Variants in PTK2 observed in about 807,000 individuals in gnomAD.
The protein encoded by PTK2 is protein tyrosine kinase 2, also known as focal adhesion kinase 1.
Under a neutral mutation model 150.1 loss-of-function variants are expected in PTK2, and 45 were observed. The observed-to-expected ratio is 0.30, with a 90% CI of 0.24 to 0.38. The LOEUF is 0.38. Ranked by LOEUF, PTK2 falls within the 10% of genes least tolerant of loss-of-function variation. The probability of loss-of-function intolerance (pLI) is 1.00; values close to 1 mark genes in which losing one functional copy is unlikely to be tolerated. For missense variants in PTK2, 919 were observed against 1,307.3 expected (o/e 0.70, Z 4.58); for synonymous variants, 432 against 449.2 (o/e 0.96, Z 0.48).
chr8:140,717,267 C>T (rs1329060430), intron 23 of PTK2, among the ~76,000 whole-genome samples: 1 of 152,134 alleles, frequency 6.6e-6, no homozygotes, highest in African/African-American at 2.4e-5. Context: ...GTATTTTAAT[C>T]CAGACTTGAT....
chr8:140,948,664 A>G (rs2100178504), intron 1 of PTK2: 1 of 152,216 alleles, frequency 6.6e-6, no homozygotes, highest in Non-Finnish European at 1.5e-5. Flanking sequence ...AGTTTAACAT[A>G]CAATACAGTC....
In PTK2 at chr8:140,752,345, ACACATG is replaced by A. The variant is rs749145092; in HGVS notation, c.1333-35_1333-30del. On this transcript the variant is annotated intron_variant, in intron 16 of 31. Coordinates refer to ENST00000522684, the Ensembl canonical transcript of PTK2. The stretch of plus-strand genomic sequence containing the variant: ...TGTTAGGGAAATTATAGAATCACAC[ACACATG>A]CAAAAAGGTTTGCTATATTAATTGA... 14 of 1,590,292 alleles carry A rather than the reference ACACATG, an allele frequency of 8.8e-6. No individual in the cohort carries two copies. The Admixed American group carries it at 2.2e-4, about 25-fold the overall frequency.
chr8:140,907,813 C>T (rs1300465156), intron 2 of PTK2, among the ~76,000 whole-genome samples: 3 of 152,142 alleles, frequency 2.0e-5, no homozygotes, highest in Admixed American at 6.5e-5. Flanking sequence ...TTAGTTGATA[C>T]GTGTGTGTCC....
chr8:140,668,492 T>C, intron 29 of PTK2, 68 bp from the exon 34 acceptor site: 1 of 1,510,356 alleles, frequency 6.6e-7, no homozygotes. Context: ...ACAATCAAGC[T>C]AGAGAGGGTC....
At chr8:140,853,850 C>T (rs189359699) in intron 5 of PTK2, among the ~76,000 whole-genome samples, 221 of 152,294 alleles carry the variant, frequency 1.5e-3, no homozygotes, top group African/African-American at 4.4e-3. Flanking sequence ...AATTCCTATA[C>T]TGAGAATGCC....
intron 4 of PTK2, among the ~76,000 whole-genome samples, chr8:140,868,645 A>G (rs1338166297): frequency 1.3e-5 from 2 of 152,228 alleles, no homozygotes; most frequent in East Asian, 3.8e-4. Flanking sequence ...GCAATGAGAA[A>G]GGTATGACAT....
At chr8:140,888,894 T>G (rs2100153253) in intron 3 of PTK2, among the ~76,000 whole-genome samples, 1 of 152,218 alleles carries the variant, frequency 6.6e-6, no homozygotes, top group Non-Finnish European at 1.5e-5. Context: ...GTATCTGAAA[T>G]CTACAAAGAC....
At chr8:140,993,677 A>G (rs974552635) in intron 1 of PTK2, among the ~76,000 whole-genome samples, 2 of 152,232 alleles carry the variant, frequency 1.3e-5, no homozygotes, top group East Asian at 3.8e-4. Flanking sequence ...AGGAATTTTA[A>G]TAAGAATATG....
chr8:140,706,268 G>A, intron 23 of PTK2, 63 bp from the exon 27 acceptor site: 1 of 1,288,518 alleles, frequency 7.8e-7, no homozygotes, highest in Admixed American at 1.8e-5. Context: ...TGTACTTTAT[G>A]AATCGAAAAA....
At chr8:140,698,427 C>G (rs1356880585) in intron 26 of PTK2, among the ~76,000 whole-genome samples, 1 of 152,130 alleles carries the variant, frequency 6.6e-6, no homozygotes, top group East Asian at 1.9e-4. Flanking sequence ...AATTAATTCA[C>G]TCAGATTAGT....
intron 1 of PTK2, among the ~76,000 whole-genome samples, chr8:141,000,429 G>T (rs1301372453): frequency 6.6e-6 from 1 of 152,140 alleles, no homozygotes; most frequent in Non-Finnish European, 1.5e-5. Flanking sequence ...GCGCCCGGGG[G>T]ACGGAGGTCG....
chr8:140,912,342 A>T (rs1407980942), intron 2 of PTK2, among the ~76,000 whole-genome samples: 1 of 152,116 alleles, frequency 6.6e-6, no homozygotes, highest in Non-Finnish European at 1.5e-5. Flanking sequence ...AACATTAAAA[A>T]AAAATTCATA....
At chr8:140,744,061 GCCAC>G (rs1217054986) in intron 19 of PTK2, among the ~76,000 whole-genome samples, 7 of 65,120 alleles carry the variant, frequency 1.1e-4, no homozygotes, top group African/African-American at 4.7e-4. Context: ...ACAGCTATGA[GCCAC>G]CGCGCCCGGC....
At chr8:140,659,377 C>A in exon 32 of PTK2, 1 of 1,204,444 alleles carries the variant, frequency 8.3e-7, no homozygotes, top group Non-Finnish European at 1.2e-6. Context: ...GTGCTGGCGA[C>A]TGAGGACACA....
At chr8:140,730,961 C>CG (rs889727870) in intron 22 of PTK2, among the ~76,000 whole-genome samples, 4 of 142,526 alleles carry the variant, frequency 2.8e-5, no homozygotes, top group Non-Finnish European at 3.1e-5. Flanking sequence ...AAACCCCCCC[C>CG]CCCCTTTTTT....
At chr8:140,830,438 G>A in intron 8 of PTK2, 34 bp downstream of exon 8, 1 of 1,386,254 alleles carries the variant, frequency 7.2e-7, no homozygotes, top group Non-Finnish European at 9.9e-7. Context: ...GCATAATTTT[G>A]TTATTTTATT....
intron 3 of PTK2, among the ~76,000 whole-genome samples, chr8:140,881,810 C>G (rs1360307371): frequency 1.3e-5 from 2 of 152,190 alleles, no homozygotes; most frequent in African/African-American, 4.8e-5. Flanking sequence ...GCAAACCAGT[C>G]TCAAAGAGGC....
intron 31 of PTK2, chr8:140,662,612 T>C: frequency 2.2e-6 from 1 of 459,110 alleles, no homozygotes; most frequent in Non-Finnish European, 4.0e-6. Flanking sequence ...CAAAAACAAG[T>C]TAAAGGGTTT....
chr8:140,708,636 T>C (rs1290606779), intron 23 of PTK2, among the ~76,000 whole-genome samples: 2 of 152,046 alleles, frequency 1.3e-5, no homozygotes, highest in Non-Finnish European at 2.9e-5. Flanking sequence ...AATAACAACA[T>C]GAATTCCCCC....
Sources: gnomAD v4.1 joint callset for allele counts (sites outside exome capture counted in the v4.1 genomes callset) on GRCh38, gnomAD v4.1.1 for gene constraint, MANE v1.5 for transcripts, NCBI Gene and HGNC (gene_info 2026-07-23, HGNC 2026-07-21) for gene names.